Variants in ZFYVE1 observed in about 807,000 individuals in gnomAD.
The protein encoded by ZFYVE1 is zinc finger FYVE domain-containing protein 1.
ZFYVE1 carries 30 observed loss-of-function variants against 74.4 expected under a neutral mutation model. The ratio of observed to expected loss-of-function variants is 0.40; its 90% CI spans 0.30 to 0.55. The LOEUF (loss-of-function observed/expected upper bound fraction) is 0.55. ZFYVE1 is among the 20% of genes least tolerant of loss of function. The probability of loss-of-function intolerance (pLI) is 0.42; values close to 1 mark genes in which losing one functional copy is unlikely to be tolerated. For missense variants in ZFYVE1, 703 were observed against 1,011.6 expected, an observed-to-expected ratio of 0.69 and a Z score of 4.14; for synonymous variants, 335 against 385.1, an observed-to-expected ratio of 0.87 and a Z score of 1.52.
intron 2 of ZFYVE1, among the ~76,000 whole-genome samples, chr14:73,012,958 C>G (rs1317585027): frequency 6.6e-6 from 1 of 152,134 alleles, no homozygotes; most frequent in East Asian, 1.9e-4. Flanking sequence ...CTAGGATACT[C>G]TTTGAATTCT....
intron 2 of ZFYVE1, 91 bp from the exon 3 acceptor site, chr14:72,998,406 A>C: frequency 8.1e-7 from 1 of 1,240,710 alleles, no homozygotes; most frequent in Non-Finnish European, 1.1e-6. Flanking sequence ...AGGACAAGGA[A>C]CTTGATTGAA....
chr14:72,992,698 G>A (rs1434185054), intron 4 of ZFYVE1, among the ~76,000 whole-genome samples: 5 of 140,254 alleles, frequency 3.6e-5, no homozygotes, highest in African/African-American at 5.4e-5. Flanking sequence ...AACGCCCCCC[G>A]AACAAAAAAC....
At position 72,971,071 on chromosome 14, in the gene ZFYVE1, G is replaced by A. The variant is rs1893022680; in HGVS notation, c.2145C>T (p.Asp715=). Residue 715 remains aspartate (D), a synonymous_variant, in exon 12 of 12, where the codon GAC becomes GAT. Coordinates refer to ENST00000556143, the MANE Select transcript of ZFYVE1 (RefSeq NM_021260.4). The stretch of plus-strand genomic sequence containing the variant: ...AGTTGTGGCAGTGGAGGATTTCGTG[G>A]TCAGGCACCCAGTACGCAGGCCTGG... ...DAARPAYWVP[D]HEILHCHNCR... The A allele has an allele frequency of 2.5e-6, 4 of 1,614,062 alleles. No homozygotes were observed. In the East Asian group the frequency reaches 8.9e-5, roughly 36 times the overall value.
Position 72,997,926 on chromosome 14 carries a change from G to A in ZFYVE1, c.873C>T (p.Phe291=). 1.9e-6 allele frequency: 3 copies of A among 1,614,176 alleles called. No homozygotes were observed. The highest frequency in any genetic ancestry group is 1.3e-5 in the African/African-American group (1 of 75,048). The change falls in exon 3 of 12, where the codon TTC becomes TTT. Residue 291 remains phenylalanine (F), a synonymous_variant. Transcript: ENST00000556143. ...CAGTGGTGGCCTTGAGCTCCTTGGT[G>A]AAGTGCTTCAGATAAGCTTCTGAGG... The part of the protein sequence containing the change: ...GDASEAYLKH[F]TKELKATTAR...
chr14:73,025,473 AT>A (rs993332000), intron 1 of ZFYVE1, among the ~76,000 whole-genome samples: 7 of 151,982 alleles, frequency 4.6e-5, no homozygotes, highest in Non-Finnish European at 8.8e-5. Flanking sequence ...AGGTGGGCAG[AT>A]CACTTGAGGT....
intron 1 of ZFYVE1, among the ~76,000 whole-genome samples, chr14:73,025,830 A>G (rs1340565952): frequency 6.6e-6 from 1 of 152,128 alleles, no homozygotes; most frequent in African/African-American, 2.4e-5. Context: ...CTGTTCATTC[A>G]GATATTAAAT....
intron 2 of ZFYVE1, among the ~76,000 whole-genome samples, chr14:73,017,679 C>T (rs114193971): frequency 3.9e-4 from 60 of 152,246 alleles, no homozygotes; most frequent in African/African-American, 1.4e-3. Flanking sequence ...TACCTACAAA[C>T]TTTGTCCAAA....
At chr14:72,996,312 T>C (rs1893747348) in intron 3 of ZFYVE1, among the ~76,000 whole-genome samples, 3 of 152,152 alleles carry the variant, frequency 2.0e-5, no homozygotes, top group South Asian at 2.1e-4. Context: ...AAAGATCACA[T>C]TGGATGCTAC....
At chr14:72,969,447 G>A (rs909436634), downstream of ZFYVE1, 9 of 438,624 alleles carry the variant, frequency 2.1e-5, no homozygotes, top group Non-Finnish European at 3.2e-5. Context: ...CAGCACAGTC[G>A]AGATGCAGGA....
intron 4 of ZFYVE1, among the ~76,000 whole-genome samples, chr14:72,989,496 C>T (rs1893558860): frequency 6.6e-6 from 1 of 152,162 alleles, no homozygotes; most frequent in Admixed American, 6.6e-5. Context: ...AAGTCTCATA[C>T]ATTCTGCAGT....
chr14:72,989,067 A>G (rs1039826734), intron 4 of ZFYVE1, among the ~76,000 whole-genome samples: 1 of 151,450 alleles, frequency 6.6e-6, no homozygotes, highest in Non-Finnish European at 1.5e-5. Context: ...AGCTGGGACT[A>G]CAGGCACCCG....
At position 73,024,177 on chromosome 14, in the gene ZFYVE1, C is replaced by A; in HGVS notation, c.332G>T (p.Gly111Val). ...LECQKRTHSGGNKRRHPVTVY... is the reference protein window; with the variant it reads ...LECQKRTHSGVNKRRHPVTVY... ...AGTAACAGGGTGTCTCCTTTTGTTA[C>A]CCCCAGAATGAGTCCTCTTCTGGCA... is the stretch of plus-strand genomic sequence containing the variant. Residue 111 changes from glycine to valine, a missense_variant, in exon 2 of 12, where the codon GGT becomes GTT. Coordinates refer to ENST00000556143, the MANE Select transcript of ZFYVE1 (RefSeq NM_021260.4). The A allele has an allele frequency of 1.2e-6, 2 of 1,614,128 alleles. No homozygotes were observed. Among genetic ancestry groups the A allele is most frequent in the Non-Finnish European group, 8.5e-7 (1 of 1,180,016 alleles).
rs1233379184 is a variant in ZFYVE1 at position 73,024,614 on chromosome 14, G to T, written c.-106C>A. 1.4e-6 allele frequency: 2 copies of T among 1,443,952 alleles called. No individual in the cohort carries two copies. The highest frequency in any genetic ancestry group is 2.4e-5 in the East Asian group (1 of 42,438). 89.4% of individuals were successfully genotyped at this position (1,443,952 alleles called of 1,614,324 possible). The stretch of plus-strand genomic sequence containing the variant: ...GAAGACTGCACGAAACTTCCACAGG[G>T]TTCTGAACACTTTAAAAAAGAACAC... On this transcript the variant is annotated 5_prime_UTR_variant, in exon 2 of 12. Coordinates refer to ENST00000556143, the MANE Select transcript of ZFYVE1 (RefSeq NM_021260.4).
Position 72,981,905 on chromosome 14 carries a change from A to T in ZFYVE1, c.1204-10T>A, listed in dbSNP as rs369750550. The T allele has an allele frequency of 1.4e-5, 22 of 1,613,488 alleles. No individual in the cohort carries two copies. Among genetic ancestry groups the T allele is most frequent in the Non-Finnish European group, 1.6e-5 (19 of 1,179,826 alleles). ...AGCGGTCACTTAGTGCCTGCCAAGG[A>T]GGGAAGGTGACATATGATGGCACTC... On this transcript the variant is annotated splice_polypyrimidine_tract_variant and intron_variant, in intron 4 of 11. Transcript: ENST00000556143.
intron 11 of ZFYVE1, among the ~76,000 whole-genome samples, chr14:72,971,424 C>T (rs1354322227): frequency 1.3e-5 from 2 of 152,100 alleles, no homozygotes; most frequent in Non-Finnish European, 2.9e-5. Flanking sequence ...ACAACCTCTG[C>T]CTCCTGGGTT....
At chr14:73,019,642 A>G (rs1422150808) in intron 2 of ZFYVE1, among the ~76,000 whole-genome samples, 1 of 152,178 alleles carries the variant, frequency 6.6e-6, no homozygotes. Flanking sequence ...TTTTGGCCAC[A>G]ATGAAGTTTA....
Position 72,999,350 on chromosome 14 carries a change from C to G in ZFYVE1, c.484-1035G>C, listed in dbSNP as rs184957046. 3.2e-4 allele frequency among the ~76,000 whole-genome samples: 49 copies of G among 152,042 alleles called. No individual in the cohort carries two copies. The East Asian group carries it at 6.4e-3, about 20-fold the overall frequency. ...GCTATGGCAGGAGAATCACTTGAACCCGGGAAGCAGAGGTTGCAGTGAGCA... is the reference window on the plus strand; with the variant it reads ...GCTATGGCAGGAGAATCACTTGAACGCGGGAAGCAGAGGTTGCAGTGAGCA... On this transcript the variant is annotated intron_variant, in intron 2 of 11. Transcript: ENST00000556143.
At chr14:72,989,827 A>G (rs1893567176) in intron 4 of ZFYVE1, among the ~76,000 whole-genome samples, 1 of 152,128 alleles carries the variant, frequency 6.6e-6, no homozygotes, top group Admixed American at 6.6e-5. Context: ...AGAAAAAAAG[A>G]AAGAAAAAAT....
intron 1 of ZFYVE1, 84 bp downstream of exon 1, chr14:73,026,842 C>T: frequency 2.7e-6 from 1 of 370,702 alleles, no homozygotes. Flanking sequence ...CCGAGGGCAG[C>T]CTGAGCCCCA....
Sources: allele counts gnomAD v4.1 joint callset (sites outside exome capture counted in the v4.1 genomes callset), GRCh38; gene constraint gnomAD v4.1.1; transcripts MANE v1.5; gene names NCBI Gene and HGNC (gene_info 2026-07-23, HGNC 2026-07-21).